The following RYR2 variants were observed in gnomAD, a reference collection of about 807,000 sequenced individuals.
RYR2 encodes the protein cardiac muscle ryanodine receptor-calcium release channel.
A neutral mutation model predicts 601.1 loss-of-function variants in RYR2; 227 were observed. The ratio of observed to expected loss-of-function variants is 0.38; its 90% CI spans 0.34 to 0.42. RYR2 has a LOEUF of 0.42. Among genes scored for constraint, RYR2 ranks in the 10% least tolerant of loss-of-function variants. The pLI is 1.00. For synonymous variants in RYR2, 2,223 were observed against 2,175.1 expected (o/e 1.02, Z -0.61); for missense variants, 4,646 against 6,156.5 (o/e 0.75, Z 8.21).
intron 1 of RYR2, among the ~76,000 whole-genome samples, chr1:237,117,666 CTCTTCCTTCTCTTCTCTTCTCTTCT>C (rs1670241826): frequency 7.0e-6 from 1 of 143,342 alleles, no homozygotes; most frequent in African/African-American, 2.6e-5. Context: ...CTCTTCTCTT[CTCTTCCTTCTCTTCTCTTCTCTTCT>C]CTTCTCTTCT....
At chr1:237,760,621 A>G (rs1451570840) in intron 83 of RYR2, among the ~76,000 whole-genome samples, 1 of 152,130 alleles carries the variant, frequency 6.6e-6, no homozygotes, top group Admixed American at 6.5e-5. Context: ...TCTGACACAC[A>G]TTTAATGTAA....
chr1:237,122,144 T>C (rs1410761424), intron 1 of RYR2, among the ~76,000 whole-genome samples: 2 of 152,286 alleles, frequency 1.3e-5, no homozygotes, highest in African/African-American at 2.4e-5. Flanking sequence ...TAGCAGAACA[T>C]TGGGGTTGCG....
chr1:237,364,289 A>G (rs1700020579), intron 4 of RYR2, 69 bp from the exon 5 acceptor site: 1 of 1,410,794 alleles, frequency 7.1e-7, no homozygotes, highest in East Asian at 2.5e-5. Flanking sequence ...TAAATAAGAG[A>G]TATTTTTAAG....
chr1:237,361,950 C>G (rs993630374), intron 4 of RYR2, among the ~76,000 whole-genome samples: 3 of 152,162 alleles, frequency 2.0e-5, no homozygotes, highest in African/African-American at 7.2e-5. Context: ...TTTAGATCTA[C>G]TACACTGAGT....
chr1:237,752,529 C>T (rs1692619291), intron 80 of RYR2, among the ~76,000 whole-genome samples: 1 of 151,724 alleles, frequency 6.6e-6, no homozygotes, highest in African/African-American at 2.4e-5. Context: ...AGTATTTTCC[C>T]ATCACTGTGA....
chr1:237,810,842 A>C (rs918142406), intron 100 of RYR2, among the ~76,000 whole-genome samples: 3 of 152,208 alleles, frequency 2.0e-5, no homozygotes, highest in Admixed American at 2.0e-4. Context: ...AATTTAAAAA[A>C]ACAAGATCTT....
chr1:237,409,876 G>A (rs904249158), intron 10 of RYR2, among the ~76,000 whole-genome samples: 2 of 152,104 alleles, frequency 1.3e-5, no homozygotes, highest in African/African-American at 2.4e-5. Context: ...TTTAACATAT[G>A]TAATGGATTC....
At chr1:237,104,600 T>C (rs1668466403) in intron 1 of RYR2, among the ~76,000 whole-genome samples, 1 of 152,224 alleles carries the variant, frequency 6.6e-6, no homozygotes, top group Non-Finnish European at 1.5e-5. Context: ...CAAATTCTAC[T>C]GGTTTGTCAG....
intron 10 of RYR2, among the ~76,000 whole-genome samples, chr1:237,400,999 A>G (rs1052881237): frequency 6.6e-6 from 1 of 152,190 alleles, no homozygotes; most frequent in Non-Finnish European, 1.5e-5. Flanking sequence ...GTATCCCTAA[A>G]ATAATTGTGA....
intron 3 of RYR2, among the ~76,000 whole-genome samples, chr1:237,335,481 C>A (rs1223314303): frequency 6.6e-6 from 1 of 152,186 alleles, no homozygotes; most frequent in African/African-American, 2.4e-5. Context: ...TAATTATCAT[C>A]TGTTGAAAAG....
At chr1:237,246,315 C>T (rs1249925221) in intron 1 of RYR2, among the ~76,000 whole-genome samples, 4 of 152,086 alleles carry the variant, frequency 2.6e-5, no homozygotes, top group Admixed American at 1.3e-4. Context: ...AGGCTGGTCT[C>T]GAACTCCTGA....
chr1:237,780,605 T>A (rs567193444), intron 88 of RYR2, among the ~76,000 whole-genome samples: 6 of 152,322 alleles, frequency 3.9e-5, no homozygotes, highest in Admixed American at 1.3e-4. Context: ...CTAAGCGTAG[T>A]GATGTTTAGA....
chr1:237,492,874 G>GGAAA, intron 18 of RYR2, 80 bp from the exon 19 acceptor site: 1 of 1,072,946 alleles, frequency 9.3e-7, no homozygotes, highest in African/African-American at 3.5e-5. Context: ...GAAGGAAGAA[G>GGAAA]GGAAGGAAGG....
At chr1:237,499,612 G>A (rs569066087) in intron 20 of RYR2, among the ~76,000 whole-genome samples, 2 of 152,014 alleles carry the variant, frequency 1.3e-5, no homozygotes, top group Non-Finnish European at 2.9e-5. Flanking sequence ...TTCTAGAAGA[G>A]ACACTTGATA....
At chr1:237,634,659 A>G (rs369809085) in intron 43 of RYR2, among the ~76,000 whole-genome samples, 1 of 152,222 alleles carries the variant, frequency 6.6e-6, no homozygotes, top group African/African-American at 2.4e-5. Flanking sequence ...AACTAGCTCA[A>G]TTGAGTCATT....
At chr1:237,304,896 GA>G (rs1308104259) in intron 2 of RYR2, among the ~76,000 whole-genome samples, 1 of 152,074 alleles carries the variant, frequency 6.6e-6, no homozygotes, top group African/African-American at 2.4e-5. Context: ...CAACCAAATA[GA>G]AAAAATGACA....
At chr1:237,664,708 C>T (rs1406466269) in intron 56 of RYR2, among the ~76,000 whole-genome samples, 1 of 152,112 alleles carries the variant, frequency 6.6e-6, no homozygotes, top group Non-Finnish European at 1.5e-5. Context: ...TGGGTGGGGA[C>T]ATAGACATAA....
chr1:237,802,106 T>C (rs1660046199), intron 98 of RYR2, 190 bp downstream of exon 98: 1 of 391,064 alleles, frequency 2.6e-6, no homozygotes, highest in African/African-American at 2.0e-5. Context: ...TTTCTTTCAA[T>C]AGCTGAAATA....
chr1:237,185,431 A>G (rs1334052894), intron 1 of RYR2, among the ~76,000 whole-genome samples: 1 of 152,176 alleles, frequency 6.6e-6, no homozygotes, highest in Non-Finnish European at 1.5e-5. Context: ...CCATATATCT[A>G]AAACAGAACT....
Sources: gnomAD v4.1 joint callset for allele counts (sites outside exome capture counted in the v4.1 genomes callset) on GRCh38, gnomAD v4.1.1 for gene constraint, MANE v1.5 for transcripts, NCBI Gene and HGNC (gene_info 2026-07-23, HGNC 2026-07-21) for gene names.